CABLES1: variants seen among roughly 807,000 people sequenced by gnomAD.
The protein encoded by CABLES1 is CDK5 and ABL1 enzyme substrate 1.
A neutral mutation model predicts 57.8 loss-of-function variants in CABLES1; 36 were observed. The observed-to-expected ratio is 0.62, with a 90% CI of 0.48 to 0.82. The LOEUF is 0.82. Ranked by LOEUF, CABLES1 falls within the 40% of genes least tolerant of loss-of-function variation. The probability of loss-of-function intolerance (pLI) is 0.00; values close to 1 mark genes in which losing one functional copy is unlikely to be tolerated. For missense variants in CABLES1, 767 were observed against 836.6 expected, an observed-to-expected ratio of 0.92 and a Z score of 1.03; for synonymous variants, 374 against 363.0, an observed-to-expected ratio of 1.03 and a Z score of -0.35.
chr18:23,169,251 A>G (rs182842265), intron 1 of CABLES1, among the ~76,000 whole-genome samples: 6 of 152,320 alleles, frequency 3.9e-5, no homozygotes, highest in African/African-American at 1.4e-4. Context: ...AAAATGGGCA[A>G]CCAGCAGCCC....
chr18:23,138,288 A>G, intron 1 of CABLES1, among the ~76,000 whole-genome samples: 1 of 152,184 alleles, frequency 6.6e-6, no homozygotes, highest in East Asian at 1.9e-4. Flanking sequence ...TCTGAACCAA[A>G]GAATATCCAG....
chr18:23,201,315 C>T (rs2047323630), intron 3 of CABLES1, among the ~76,000 whole-genome samples: 1 of 152,168 alleles, frequency 6.6e-6, no homozygotes, highest in Non-Finnish European at 1.5e-5. Context: ...GCTAGTATCA[C>T]AGAAGGCTGG....
chr18:23,242,625 C>A (rs1355458793), intron 7 of CABLES1, among the ~76,000 whole-genome samples: 1 of 152,142 alleles, frequency 6.6e-6, no homozygotes, highest in African/African-American at 2.4e-5. Flanking sequence ...CAACAAAATT[C>A]AGTTACCTGA....
chr18:23,226,340 T>C (rs968327221), intron 4 of CABLES1, among the ~76,000 whole-genome samples: 1 of 151,014 alleles, frequency 6.6e-6, no homozygotes, highest in Non-Finnish European at 1.5e-5. Context: ...AAGTGGAGGT[T>C]GCAGTGAGCC....
intron 1 of CABLES1, among the ~76,000 whole-genome samples, chr18:23,170,284 A>G (rs115736184): frequency 1.3e-5 from 2 of 152,178 alleles, no homozygotes; most frequent in African/African-American, 2.4e-5. Flanking sequence ...AAGGAAATAT[A>G]AACATGTAAC....
intron 1 of CABLES1, among the ~76,000 whole-genome samples, chr18:23,154,304 G>A (rs1446295676): frequency 6.6e-6 from 1 of 152,180 alleles, no homozygotes; most frequent in East Asian, 1.9e-4. Flanking sequence ...TGCTCGGCAA[G>A]TCAAATTAAG....
Position 23,254,310 on chromosome 18 carries a change from A to G in CABLES1, c.1761+374A>G, listed in dbSNP as rs73966109. Reference sequence around the variant, plus strand: ...TGCTTCAGTAAGACCTTGGCTTCCTACTTCCTTAGCTGGCTCCTCTTTGGG... The same window carrying G: ...TGCTTCAGTAAGACCTTGGCTTCCTGCTTCCTTAGCTGGCTCCTCTTTGGG... On this transcript the variant is annotated intron_variant, in intron 9 of 9. Transcript: ENST00000256925. Among the ~76,000 whole-genome samples the G allele has an allele frequency of 6.6e-3, 1,005 of 152,328 alleles. 13 individuals carry two copies. Among genetic ancestry groups the G allele is most frequent in the African/African-American group, 0.023 (966 of 41,576 alleles).
At chr18:23,243,092 C>CTA (rs1281817624) in intron 7 of CABLES1, among the ~76,000 whole-genome samples, 10 of 150,856 alleles carry the variant, frequency 6.6e-5, no homozygotes, top group African/African-American at 1.5e-4. Flanking sequence ...GAATATAGAA[C>CTA]TATATATATA....
intron 9 of CABLES1, among the ~76,000 whole-genome samples, chr18:23,256,575 G>C (rs2048172581): frequency 6.6e-6 from 1 of 152,062 alleles, no homozygotes; most frequent in African/African-American, 2.4e-5. Context: ...CCACCTCCCG[G>C]GTTCAAGTGA....
chr18:23,209,881 G>T (rs147256846), intron 3 of CABLES1, among the ~76,000 whole-genome samples: 10 of 152,150 alleles, frequency 6.6e-5, no homozygotes, highest in African/African-American at 1.7e-4. Flanking sequence ...CACCTTGCGG[G>T]GGGGCGGTCC....
intron 1 of CABLES1, among the ~76,000 whole-genome samples, chr18:23,144,413 C>G (rs976458579): frequency 1.1e-4 from 16 of 152,352 alleles, no homozygotes; most frequent in Admixed American, 2.0e-4. Context: ...TCTTAATTTG[C>G]TAAAACAATC....
At chr18:23,240,345 G>A (rs932145013) in intron 7 of CABLES1, among the ~76,000 whole-genome samples, 13 of 152,210 alleles carry the variant, frequency 8.5e-5, no homozygotes, top group Middle Eastern at 6.8e-3. Flanking sequence ...TGTAGAAGTC[G>A]TTGCCCTTCC....
chr18:23,179,406 A>G (rs771462148), intron 1 of CABLES1, among the ~76,000 whole-genome samples: 8 of 152,038 alleles, frequency 5.3e-5, no homozygotes, highest in Middle Eastern at 3.4e-3. Context: ...TGACTCCCCC[A>G]CCCCAGGGAT....
intron 1 of CABLES1, among the ~76,000 whole-genome samples, chr18:23,182,918 T>G (rs1057125111): frequency 6.6e-6 from 1 of 152,358 alleles, no homozygotes; most frequent in East Asian, 1.9e-4. Flanking sequence ...CAGGGCACTC[T>G]GCTTACCAGG....
intron 1 of CABLES1, among the ~76,000 whole-genome samples, chr18:23,144,764 T>C (rs2046880643): frequency 6.6e-6 from 1 of 152,176 alleles, no homozygotes; most frequent in South Asian, 2.1e-4. Flanking sequence ...TACCCACTTA[T>C]TGGAGACGAC....
chr18:23,204,864 T>C (rs2047351385), intron 3 of CABLES1, among the ~76,000 whole-genome samples: 1 of 152,188 alleles, frequency 6.6e-6, no homozygotes, highest in Non-Finnish European at 1.5e-5. Context: ...TGCGAAACTG[T>C]CCCCATGATT....
intron 3 of CABLES1, among the ~76,000 whole-genome samples, chr18:23,203,864 T>C (rs977025921): frequency 8.5e-5 from 13 of 152,204 alleles, no homozygotes; most frequent in African/African-American, 2.4e-4. Context: ...GCTGGCTTTT[T>C]TTCCTCTCGG....
At chr18:23,156,423 G>A (rs903642113) in intron 1 of CABLES1, among the ~76,000 whole-genome samples, 2 of 152,358 alleles carry the variant, frequency 1.3e-5, no homozygotes, top group Middle Eastern at 3.4e-3. Context: ...TTCCTGTTTC[G>A]CTTCAGGACC....
intron 4 of CABLES1, among the ~76,000 whole-genome samples, chr18:23,221,602 C>G (rs1260256867): frequency 6.6e-6 from 1 of 152,158 alleles, no homozygotes. Flanking sequence ...CAGCCATACC[C>G]TGGGGCTCTT....
Sources: allele counts gnomAD v4.1 joint callset (sites outside exome capture counted in the v4.1 genomes callset), GRCh38; gene constraint gnomAD v4.1.1; transcripts MANE v1.5; gene names NCBI Gene and HGNC (gene_info 2026-07-23, HGNC 2026-07-21).